Variants in SLC7A11 observed in about 807,000 individuals in gnomAD.
SLC7A11 encodes cystine/glutamate transporter.
SLC7A11 carries 35 observed loss-of-function variants against 54.5 expected under a neutral mutation model. The ratio of observed to expected loss-of-function variants is 0.64; its 90% CI spans 0.49 to 0.85. The LOEUF (loss-of-function observed/expected upper bound fraction) is 0.85, where lower values mean the gene tolerates loss of function less well. Ranked by LOEUF, SLC7A11 falls within the 40% of genes least tolerant of loss-of-function variation. The pLI is 0.00. For synonymous variants in SLC7A11, 230 were observed against 225.2 expected (o/e 1.02, Z -0.19); for missense variants, 583 against 618.1 (o/e 0.94, Z 0.60).
intron 4 of SLC7A11, among the ~76,000 whole-genome samples, chr4:138,221,643 C>A (rs2148444782): frequency 6.6e-6 from 1 of 152,150 alleles, no homozygotes; most frequent in East Asian, 1.9e-4. Context: ...ATTTTAGCCA[C>A]TAAAAAAACC....
rs1736239959 is a variant in SLC7A11 at position 138,165,749 on chromosome 4, T to C, written c.*6207A>G. On this transcript the variant is annotated 3_prime_UTR_variant, in exon 12 of 12. Coordinates refer to ENST00000280612, the MANE Select transcript of SLC7A11 (RefSeq NM_014331.4). ...GTGTTGTTTCCTTTCTGAACATGAA[T>C]AACATCAAAGGAAGAACCCAGTTCT... The C allele has an allele frequency of 6.6e-6, 1 of 152,106 alleles. No homozygotes were observed. The highest frequency in any genetic ancestry group is 2.1e-4 in the South Asian group (1 of 4,822). The allele number at this position is 152,106 out of a possible 1,614,324, so 9.4% of individuals were successfully genotyped here. A position where few individuals can be genotyped will look rare whatever the true frequency, so the allele number is the denominator to read the frequency against.
rs142274833 is a variant in SLC7A11, at chr4:138,201,577, C to T, written c.791+13008G>A. Among the ~76,000 whole-genome samples the T allele has an allele frequency of 1.3e-3, 205 of 152,140 alleles. 5 individuals are homozygous for T. In the East Asian group the frequency reaches 0.036, roughly 27 times the overall value. On this transcript the variant is annotated intron_variant, in intron 6 of 11. Transcript: ENST00000280612. ...CTGAGACTGAGATAATTGTCATTTCCCATGGCCGGGTGTTTCAAGTAAGAG... is the reference window on the plus strand; with the variant it reads ...CTGAGACTGAGATAATTGTCATTTCTCATGGCCGGGTGTTTCAAGTAAGAG...
At chr4:138,196,851 G>T (rs1436786192) in intron 6 of SLC7A11, among the ~76,000 whole-genome samples, 1 of 151,994 alleles carries the variant, frequency 6.6e-6, no homozygotes, top group African/African-American at 2.4e-5. Context: ...GTAGAGACAG[G>T]GTTTCACCAT....
Position 138,170,265 on chromosome 4 carries a change from T to TACACAC in SLC7A11, c.*1690_*1691insGTGTGT. The TACACAC allele has an allele frequency of 3.1e-5, 3 of 97,180 alleles. No individual in the cohort carries two copies. The highest frequency in any genetic ancestry group is 1.1e-4 in the African/African-American group (3 of 27,448). 6.0% of individuals were successfully genotyped at this position (97,180 alleles called of 1,614,324 possible). ...GTGTGTGTGTGTATATATATATATA[T>TACACAC]ATATATACACACACACACACACACA... On this transcript the variant is annotated 3_prime_UTR_variant, in exon 12 of 12. Coordinates refer to ENST00000280612, the MANE Select transcript of SLC7A11 (RefSeq NM_014331.4).
At chr4:138,239,469 AAAG>A (rs1474472514) in intron 1 of SLC7A11, among the ~76,000 whole-genome samples, 2 of 152,204 alleles carry the variant, frequency 1.3e-5, no homozygotes, top group African/African-American at 2.4e-5. Context: ...GTCTTTTTAA[AAAG>A]AAGGATTATT....
At chr4:138,183,472 C>A (rs1351321027) in intron 7 of SLC7A11, among the ~76,000 whole-genome samples, 167 bp from the exon 8 acceptor site, 1 of 152,098 alleles carries the variant, frequency 6.6e-6, no homozygotes, top group Non-Finnish European at 1.5e-5. Flanking sequence ...AGACAATAAT[C>A]AAAAGCAAGG....
Position 138,182,080 on chromosome 4 carries a change from GTGA to G in SLC7A11, c.1116+214_1116+216del, listed in dbSNP as rs763905330. ...ACATTTCTGCAAAGATGAAAGTGAG[GTGA>G]TGATGATTTTTGCCCCAAAGCATCA... On this transcript the variant is annotated intron_variant, in intron 9 of 11. Coordinates refer to ENST00000280612, the MANE Select transcript of SLC7A11 (RefSeq NM_014331.4). 4.3e-4 allele frequency among the ~76,000 whole-genome samples: 65 copies of G among 152,054 alleles called. 1 individual carries two copies. The highest frequency in any genetic ancestry group is 7.8e-4 in the Non-Finnish European group (53 of 67,978).
At chr4:138,198,069 G>A (rs1737183539) in intron 6 of SLC7A11, among the ~76,000 whole-genome samples, 1 of 150,760 alleles carries the variant, frequency 6.6e-6, no homozygotes, top group Admixed American at 6.6e-5. Context: ...AAAGTCAAGA[G>A]CCTATATTAT....
At chr4:138,193,148 C>G (rs1737052334) in intron 6 of SLC7A11, among the ~76,000 whole-genome samples, 1 of 152,120 alleles carries the variant, frequency 6.6e-6, no homozygotes, top group Non-Finnish European at 1.5e-5. Flanking sequence ...TTCAATCCCA[C>G]CAAACGAACT....
chr4:138,211,508 T>A (rs554187471), intron 6 of SLC7A11, among the ~76,000 whole-genome samples: 1 of 151,988 alleles, frequency 6.6e-6, no homozygotes, highest in South Asian at 2.1e-4. Flanking sequence ...AGAACTTCCA[T>A]ATGATCCAGC....
chr4:138,176,910 C>A (rs1278923110), intron 11 of SLC7A11: 54 of 152,144 alleles, frequency 3.5e-4, no homozygotes, highest in African/African-American at 1.2e-3. Context: ...GTCTAGAACA[C>A]AGAAAACTTA....
chr4:138,174,233 A>G (rs1736509398), intron 11 of SLC7A11, among the ~76,000 whole-genome samples: 1 of 152,228 alleles, frequency 6.6e-6, no homozygotes, highest in African/African-American at 2.4e-5. Flanking sequence ...TCCGCATGTC[A>G]TAACATTGCC....
rs759363953 is a variant in SLC7A11, at chr4:138,164,583, G to A, written c.*7373C>T. ...AAATATCTTAGTTCTAATATGATTG[G>A]AATGTGGATGCAGAAATAAAATGCA... is the stretch of plus-strand genomic sequence containing the variant. On this transcript the variant is annotated 3_prime_UTR_variant, in exon 12 of 12. Transcript: ENST00000280612. 3.3e-5 allele frequency: 5 copies of A among 152,110 alleles called. No individual in the cohort carries two copies. The highest frequency in any genetic ancestry group is 5.9e-5 in the Non-Finnish European group (4 of 68,006). The allele number at this position is 152,110 out of a possible 1,614,324, so 9.4% of individuals were successfully genotyped here.
rs74808286 is a variant in SLC7A11 at position 138,167,913 on chromosome 4, T to G, written c.*4043A>C. The stretch of plus-strand genomic sequence containing the variant: ...TAAAATCCCATTTATTATTTTTCTA[T>G]AGTTCAGAATCAACGTATAAAATAT... On this transcript the variant is annotated 3_prime_UTR_variant, in exon 12 of 12. Coordinates refer to ENST00000280612, the MANE Select transcript of SLC7A11 (RefSeq NM_014331.4). 5 of 152,216 alleles carry G rather than the reference T, an allele frequency of 3.3e-5. No individual in the cohort carries two copies. Among genetic ancestry groups the G allele is most frequent in the African/African-American group, 1.2e-4 (5 of 41,454 alleles). 9.4% of individuals were successfully genotyped at this position (152,216 alleles called of 1,614,324 possible).
At chr4:138,231,646 T>C (rs1738082245) in intron 3 of SLC7A11, among the ~76,000 whole-genome samples, 2 of 152,322 alleles carry the variant, frequency 1.3e-5, no homozygotes, top group South Asian at 4.1e-4. Flanking sequence ...ATATCACTCA[T>C]GCAATTTTGT....
At chr4:138,202,496 G>C (rs1260746478) in intron 6 of SLC7A11, among the ~76,000 whole-genome samples, 1 of 152,052 alleles carries the variant, frequency 6.6e-6, no homozygotes, top group Non-Finnish European at 1.5e-5. Flanking sequence ...ACCATCATGG[G>C]ATCTGGAAAA....
In SLC7A11 at chr4:138,170,089, T is replaced by A. The variant is rs1245075730; in HGVS notation, c.*1867A>T. On this transcript the variant is annotated 3_prime_UTR_variant, in exon 12 of 12. Transcript: ENST00000280612. ...TCTTTCAAAAATCCTTATTTTCAAA[T>A]GGACAAAAATTAAAGGATGAAACAT... 1 of 150,420 alleles carries A rather than the reference T, an allele frequency of 6.6e-6. No individual in the cohort carries two copies. Among genetic ancestry groups the A allele is most frequent in the African/African-American group, 2.4e-5 (1 of 41,040 alleles). The allele number at this position is 150,420 out of a possible 1,614,324, so 9.3% of individuals were successfully genotyped here.
chr4:138,178,949 T>A (rs534518552), intron 11 of SLC7A11, among the ~76,000 whole-genome samples: 1 of 152,262 alleles, frequency 6.6e-6, no homozygotes, highest in South Asian at 2.1e-4. Context: ...TTAGGTCGAT[T>A]AGAGAACTAC....
At chr4:138,197,531 C>T (rs1003177571) in intron 6 of SLC7A11, among the ~76,000 whole-genome samples, 1 of 152,044 alleles carries the variant, frequency 6.6e-6, no homozygotes, top group East Asian at 1.9e-4. Context: ...AAATTTTGGA[C>T]TATAAAAGAC....
Sources: gnomAD v4.1 joint callset for allele counts (sites outside exome capture counted in the v4.1 genomes callset) on GRCh38, gnomAD v4.1.1 for gene constraint, MANE v1.5 for transcripts, NCBI Gene and HGNC (gene_info 2026-07-23, HGNC 2026-07-21) for gene names.